Variants in ZNF831 observed in about 807,000 individuals in gnomAD.
ZNF831 encodes chromosome 20 open reading frame 174.
In ZNF831, 59 loss-of-function variants were observed where a neutral mutation model predicts 95.8. The ratio of observed to expected loss-of-function variants is 0.62; its 90% CI spans 0.50 to 0.77. The LOEUF is 0.77. ZNF831 is among the 30% of genes least tolerant of loss of function. The pLI is 0.00. For missense variants in ZNF831, 2,205 were observed against 2,164.0 expected, an observed-to-expected ratio of 1.02 and a Z score of -0.38; for synonymous variants, 961 against 925.5, an observed-to-expected ratio of 1.04 and a Z score of -0.70.
intron 1 of ZNF831, among the ~76,000 whole-genome samples, chr20:59,183,759 G>A (rs959384383): frequency 3.3e-5 from 5 of 152,226 alleles, no homozygotes; most frequent in African/African-American, 1.2e-4. Context: ...AGTAGTTTTA[G>A]GTTTGCAGAA....
intron 1 of ZNF831, among the ~76,000 whole-genome samples, chr20:59,129,830 T>G (rs1304948649): frequency 2.0e-5 from 3 of 152,176 alleles, no homozygotes; most frequent in African/African-American, 7.2e-5. Flanking sequence ...CAGCACAAAG[T>G]CCCTGAGATT....
intron 1 of ZNF831, among the ~76,000 whole-genome samples, chr20:59,190,249 C>G (rs1226621779): frequency 6.6e-6 from 1 of 152,206 alleles, no homozygotes; most frequent in Non-Finnish European, 1.5e-5. Context: ...ATTGGAATTT[C>G]AGATAAGCAG....
At chr20:59,166,581 C>T (rs1026560391) in intron 1 of ZNF831, among the ~76,000 whole-genome samples, 63 of 152,188 alleles carry the variant, frequency 4.1e-4, no homozygotes, top group African/African-American at 1.2e-3. Context: ...TCCTCTCTCT[C>T]TCCCCCCCAA....
In ZNF831 at chr20:59,191,049, C is replaced by T; in HGVS notation, c.30C>T (p.Ala10=). Residue 10 remains alanine (A), a synonymous_variant, in exon 2 of 6, where the codon GCC becomes GCT. Coordinates refer to ENST00000371030, the MANE Select transcript of ZNF831 (RefSeq NM_178457.3). ...AGGTTCCAGAACCCACCTGCCCTGC[C>T]CCTCCTGCGAGGGACCAGCCAGCTC... The part of the protein sequence containing the change: MEVPEPTCP[A]PPARDQPAPT... 1 of 1,494,980 alleles carries T rather than the reference C, an allele frequency of 6.7e-7. No individual in the cohort carries two copies. The highest frequency in any genetic ancestry group is 8.8e-7 in the Non-Finnish European group (1 of 1,130,226). The allele number at this position is 1,494,980 out of a possible 1,614,324, so 92.6% of individuals were successfully genotyped here. A position where few individuals can be genotyped will look rare whatever the true frequency, so the allele number is the denominator to read the frequency against.
intron 4 of ZNF831, among the ~76,000 whole-genome samples, chr20:59,241,802 G>A (rs1334333413): frequency 2.6e-5 from 4 of 152,106 alleles, no homozygotes; most frequent in African/African-American, 7.2e-5. Flanking sequence ...GAAATATCTG[G>A]GTGAAAGGAA....
At position 59,194,455 on chromosome 20, in the gene ZNF831, G is replaced by A. The variant is rs368558841; in HGVS notation, c.3436G>A (p.Gly1146Ser). 49 of 1,613,134 alleles carry A rather than the reference G, an allele frequency of 3.0e-5. No individual in the cohort carries two copies. In the African/African-American group the frequency reaches 5.6e-4, roughly 18 times the overall value. The change falls in exon 2 of 6, where the codon GGC (glycine) becomes AGC (serine). Residue 1146 changes from glycine (G) to serine (S), a missense_variant. By Grantham distance (56) the Gly-to-Ser change is moderately conservative. Coordinates refer to ENST00000371030, the MANE Select transcript of ZNF831 (RefSeq NM_178457.3). ...ALTRPQGVPP[G>S]WPELALSSHS... Reference sequence around the variant, plus strand: ...CACTCGGCCTCAGGGTGTGCCCCCAGGCTGGCCAGAGCTGGCCTTGTCTTC... The same window carrying A: ...CACTCGGCCTCAGGGTGTGCCCCCAAGCTGGCCAGAGCTGGCCTTGTCTTC...
intron 4 of ZNF831, among the ~76,000 whole-genome samples, chr20:59,234,151 A>G (rs1373659917): frequency 6.6e-6 from 1 of 152,116 alleles, no homozygotes; most frequent in Non-Finnish European, 1.5e-5. Flanking sequence ...GAACAGCCTC[A>G]CCTTGCTGCA....
chr20:59,199,467 A>T (rs2146618252), intron 3 of ZNF831, among the ~76,000 whole-genome samples: 1 of 152,292 alleles, frequency 6.6e-6, no homozygotes. Context: ...ACATAAAAGT[A>T]TCATAGTTAT....
chr20:59,206,558 A>G (rs1042464753), intron 3 of ZNF831, among the ~76,000 whole-genome samples: 4 of 152,252 alleles, frequency 2.6e-5, no homozygotes, highest in Non-Finnish European at 4.4e-5. Flanking sequence ...CATTTCCATC[A>G]TTGAAGAATA....
intron 4 of ZNF831, among the ~76,000 whole-genome samples, chr20:59,209,591 G>A (rs186086876): frequency 1.3e-5 from 2 of 152,316 alleles, no homozygotes; most frequent in South Asian, 2.1e-4. Flanking sequence ...GTCTCCACTT[G>A]GGTGTCACCT....
At chr20:59,241,047 A>AG (rs1288637394) in intron 4 of ZNF831, among the ~76,000 whole-genome samples, 2 of 152,122 alleles carry the variant, frequency 1.3e-5, no homozygotes, top group African/African-American at 4.8e-5. Flanking sequence ...AAGAAAAAAA[A>AG]GTCCTATAAT....
intron 4 of ZNF831, among the ~76,000 whole-genome samples, chr20:59,241,087 C>T (rs1414127207): frequency 6.6e-6 from 1 of 152,152 alleles, no homozygotes; most frequent in Non-Finnish European, 1.5e-5. Context: ...ATAATTTCTA[C>T]AGCTGGTGTG....
intron 3 of ZNF831, among the ~76,000 whole-genome samples, chr20:59,201,942 T>C (rs940774684): frequency 1.3e-5 from 2 of 152,216 alleles, no homozygotes; most frequent in African/African-American, 4.8e-5. Context: ...AGTATAGTCT[T>C]TTCAACAAAT....
intron 4 of ZNF831, among the ~76,000 whole-genome samples, chr20:59,237,681 G>T (rs1448201703): frequency 6.6e-6 from 1 of 152,204 alleles, no homozygotes; most frequent in East Asian, 1.9e-4. Flanking sequence ...TTTGAGGGCT[G>T]TCAGGACCAT....
chr20:59,246,556 A>G (rs1457401763), intron 4 of ZNF831, among the ~76,000 whole-genome samples: 1 of 152,088 alleles, frequency 6.6e-6, no homozygotes, highest in African/African-American at 2.4e-5. Flanking sequence ...TAATTTCATA[A>G]TCCTATTTTC....
At chr20:59,138,755 G>T (rs1034788659) in intron 1 of ZNF831, among the ~76,000 whole-genome samples, 1 of 152,100 alleles carries the variant, frequency 6.6e-6, no homozygotes, top group East Asian at 1.9e-4. Context: ...ATCAATCTGG[G>T]GTCTTGAAGT....
intron 2 of ZNF831, among the ~76,000 whole-genome samples, chr20:59,153,344 C>T (rs2146460155): frequency 6.6e-6 from 1 of 152,348 alleles, no homozygotes; most frequent in Middle Eastern, 3.4e-3. Context: ...AGACCCCTTG[C>T]CTGACTTTTG....
chr20:59,222,717 G>T (rs934170169), intron 4 of ZNF831, among the ~76,000 whole-genome samples: 3 of 152,206 alleles, frequency 2.0e-5, no homozygotes. Context: ...GCCGAAGCCC[G>T]GCTCCCTCCT....
chr20:59,174,412 G>C (rs1024377046), intron 1 of ZNF831, among the ~76,000 whole-genome samples: 1 of 152,142 alleles, frequency 6.6e-6, no homozygotes, highest in Non-Finnish European at 1.5e-5. Context: ...TGCTGGTGTC[G>C]TTATTTTACC....
Sources: gnomAD v4.1 joint callset for allele counts (sites outside exome capture counted in the v4.1 genomes callset) on GRCh38, gnomAD v4.1.1 for gene constraint, MANE v1.5 for transcripts, NCBI Gene and HGNC (gene_info 2026-07-23, HGNC 2026-07-21) for gene names.